The following RBL1 variants were observed in gnomAD, a reference collection of about 807,000 sequenced individuals.
RBL1 encodes retinoblastoma-like protein 1.
In RBL1, 82 loss-of-function variants were observed where a neutral mutation model predicts 123.0. The observed-to-expected ratio is 0.67, with a 90% CI of 0.56 to 0.80. The LOEUF (loss-of-function observed/expected upper bound fraction) is 0.80. RBL1 is among the 30% of genes least tolerant of loss of function. RBL1 has a pLI of 0.00. For synonymous variants in RBL1, 405 were observed against 441.3 expected, an observed-to-expected ratio of 0.92 and a Z score of 1.03; for missense variants, 1,171 against 1,299.6, an observed-to-expected ratio of 0.90 and a Z score of 1.52.
At chr20:37,065,561 G>A in intron 6 of RBL1, 88 bp from the exon 7 acceptor site, 1 of 788,794 alleles carries the variant, frequency 1.3e-6, no homozygotes, top group Non-Finnish European at 2.0e-6. Flanking sequence ...TTTCCATATT[G>A]TTATAACACA....
chr20:37,002,739 A>C (rs1019860646), intron 21 of RBL1, among the ~76,000 whole-genome samples: 2 of 139,710 alleles, frequency 1.4e-5, no homozygotes, highest in African/African-American at 5.4e-5. Context: ...TTTTTTTGAG[A>C]CAGAGTCTCG....
intron 2 of RBL1, among the ~76,000 whole-genome samples, chr20:37,083,595 G>T (rs2065490075): frequency 8.3e-6 from 1 of 120,522 alleles, no homozygotes; most frequent in African/African-American, 3.2e-5. Flanking sequence ...GATCAGCCTG[G>T]CCAAAATAGC....
Position 37,053,502 on chromosome 20 carries a change from G to A in RBL1, c.1467+2051C>T, listed in dbSNP as rs537778860. 4.6e-5 allele frequency among the ~76,000 whole-genome samples: 7 copies of A among 152,296 alleles called. No individual in the cohort carries two copies. The South Asian group carries it at 1.5e-3, about 32-fold the overall frequency. The stretch of plus-strand genomic sequence containing the variant: ...GGTTGGGGCCCGCCTTTCATCGTGA[G>A]CTGCTGAGGTAGGCTCTCATGACCC... On this transcript the variant is annotated intron_variant, in intron 11 of 21. Transcript: ENST00000373664.
In RBL1 at chr20:37,002,336, G is replaced by GTTTT. The variant is rs965408801; in HGVS notation, c.3036+1362_3036+1365dup. 1.1e-3 allele frequency among the ~76,000 whole-genome samples: 86 copies of GTTTT among 76,352 alleles called. 10 individuals are homozygous for GTTTT. The East Asian group carries it at 0.018, about 16-fold the overall frequency. The allele number at this position is 76,352 out of a possible 152,430, so 50.1% of individuals were successfully genotyped here. ...TGAGCCACCGTGCCTAGCCTTATCT[G>GTTTT]TTTTTTTTTTTTTTTTTTTTTTTTG... On this transcript the variant is annotated intron_variant, in intron 21 of 21. Coordinates refer to ENST00000373664, the MANE Select transcript of RBL1 (RefSeq NM_002895.5).
chr20:37,000,047 G>T (rs1260793759), intron 21 of RBL1, among the ~76,000 whole-genome samples: 2 of 151,048 alleles, frequency 1.3e-5, no homozygotes, highest in Non-Finnish European at 2.9e-5. Context: ...AGGAAGTGAG[G>T]AGCGTCTCTG....
At chr20:37,045,351 C>T (rs1174438490) in intron 12 of RBL1, among the ~76,000 whole-genome samples, 6 of 152,034 alleles carry the variant, frequency 3.9e-5, no homozygotes, top group Non-Finnish European at 8.8e-5. Flanking sequence ...CATGATCCGC[C>T]CGCCTTGGCC....
intron 1 of RBL1, among the ~76,000 whole-genome samples, chr20:37,093,985 A>G (rs1008727668): frequency 1.3e-5 from 2 of 152,178 alleles, no homozygotes; most frequent in Non-Finnish European, 2.9e-5. Context: ...GAAAAAATAA[A>G]TAAGTAGAGC....
chr20:37,074,821 T>C (rs1362068518), intron 2 of RBL1, among the ~76,000 whole-genome samples: 1 of 152,080 alleles, frequency 6.6e-6, no homozygotes, highest in East Asian at 1.9e-4. Flanking sequence ...TGAGACTCTG[T>C]CTCAAAGAAA....
intron 19 of RBL1, among the ~76,000 whole-genome samples, chr20:37,014,145 A>G (rs2064212064): frequency 6.8e-6 from 1 of 146,904 alleles, no homozygotes; most frequent in Non-Finnish European, 1.5e-5. Flanking sequence ...CGGCAAGATC[A>G]TGGCTCACTG....
At chr20:37,026,734 A>C (rs1448094752) in intron 16 of RBL1, among the ~76,000 whole-genome samples, 1 of 151,334 alleles carries the variant, frequency 6.6e-6, no homozygotes, top group East Asian at 1.9e-4. Flanking sequence ...GGCTGGGCGC[A>C]GTGGCTCACA....
chr20:37,000,352 C>T (rs867796217), intron 21 of RBL1, among the ~76,000 whole-genome samples: 1 of 149,586 alleles, frequency 6.7e-6, no homozygotes, highest in Non-Finnish European at 1.5e-5. Flanking sequence ...CCAGCCGCCC[C>T]GTCCAGAAGG....
intron 21 of RBL1, 100 bp downstream of exon 21, chr20:37,003,602 A>T (rs1300202893): frequency 1.4e-6 from 2 of 1,415,694 alleles, no homozygotes; most frequent in African/African-American, 1.4e-5. Context: ...TTTTATTAGT[A>T]TAGTAGTAAC....
chr20:37,002,335 T>TG (rs1600435712), intron 21 of RBL1, among the ~76,000 whole-genome samples: 2 of 126,640 alleles, frequency 1.6e-5, no homozygotes, highest in Non-Finnish European at 3.4e-5. Flanking sequence ...TAGCCTTATC[T>TG]GTTTTTTTTT....
At chr20:37,086,503 GCAC>G (rs1286433366) in intron 2 of RBL1, among the ~76,000 whole-genome samples, 1 of 152,008 alleles carries the variant, frequency 6.6e-6, no homozygotes, top group African/African-American at 2.4e-5. Flanking sequence ...TCAGGCCATT[GCAC>G]TCCAGCCGGG....
chr20:37,009,888 G>A (rs190520671), intron 19 of RBL1, among the ~76,000 whole-genome samples: 1 of 151,968 alleles, frequency 6.6e-6, no homozygotes, highest in African/African-American at 2.4e-5. Flanking sequence ...AACTAGGTGT[G>A]GTGGCATGCA....
chr20:37,022,525 C>A lies in RBL1; in HGVS notation c.2559+125G>T, dbSNP rs1600480252. 8.4e-6 allele frequency: 7 copies of A among 834,864 alleles called. No individual in the cohort carries two copies. The East Asian group carries it at 1.8e-4, about 21-fold the overall frequency. The allele number at this position is 834,864 out of a possible 1,614,324, so 51.7% of individuals were successfully genotyped here. On this transcript the variant is annotated intron_variant, in intron 17 of 21. Transcript: ENST00000373664. ...TATTTTTTATAGAGATGAGGTTTCA[C>A]CATGTTGCCCAAGCTGGTCTCGAAA...
intron 11 of RBL1, among the ~76,000 whole-genome samples, chr20:37,048,504 G>T (rs2064851591): frequency 6.6e-6 from 1 of 152,092 alleles, no homozygotes; most frequent in African/African-American, 2.4e-5. Flanking sequence ...CCAGGCAAGA[G>T]ATTTACAGAT....
At chr20:37,011,069 C>T (rs1209173968) in intron 19 of RBL1, among the ~76,000 whole-genome samples, 2 of 152,140 alleles carry the variant, frequency 1.3e-5, no homozygotes, top group Non-Finnish European at 2.9e-5. Context: ...ATCCTCCTGC[C>T]TCAGCCTTCC....
At chr20:37,027,639 G>A (rs2146239195) in intron 16 of RBL1, among the ~76,000 whole-genome samples, 1 of 152,316 alleles carries the variant, frequency 6.6e-6, no homozygotes, top group Middle Eastern at 3.4e-3. Flanking sequence ...ACAAATTCAA[G>A]TTATGTCTAA....
Sources: allele counts gnomAD v4.1 joint callset (sites outside exome capture counted in the v4.1 genomes callset), GRCh38; gene constraint gnomAD v4.1.1; transcripts MANE v1.5; gene names NCBI Gene and HGNC (gene_info 2026-07-23, HGNC 2026-07-21).